CEP350: variants seen among roughly 807,000 people sequenced by gnomAD.
CEP350 encodes centrosomal protein 350, also known as centrosome-associated protein 350.
In CEP350, 126 loss-of-function variants were observed where a neutral mutation model predicts 331.8. That is an observed-to-expected ratio of 0.38 (90% CI 0.33 to 0.44). The LOEUF (loss-of-function observed/expected upper bound fraction) is 0.44. CEP350 is among the 20% of genes least tolerant of loss of function. The pLI, the probability that CEP350 is intolerant of heterozygous loss-of-function variation, is 1.00. For missense variants in CEP350, 3,406 were observed against 3,634.6 expected, an observed-to-expected ratio of 0.94 and a Z score of 1.62; for synonymous variants, 1,200 against 1,259.5, an observed-to-expected ratio of 0.95 and a Z score of 1.00.
chr1:180,106,806 ATT>A (rs61212527), intron 37 of CEP350, among the ~76,000 whole-genome samples: 17,982 of 145,774 alleles, frequency 0.12, 1,131 homozygotes, highest in South Asian at 0.17. Context: ...ACAGTTTATG[ATT>A]TTTTTTTTTT....
chr1:180,048,769 G>A (rs753616502), intron 22 of CEP350, 64 bp downstream of exon 22: 1 of 1,319,554 alleles, frequency 7.6e-7, no homozygotes, highest in Non-Finnish European at 1.1e-6. Context: ...GGTGATCCTT[G>A]TTATAAAGTG....
chr1:180,047,757 CAAAAAAAAAA>C (rs5779043), intron 21 of CEP350, among the ~76,000 whole-genome samples: 12 of 74,044 alleles, frequency 1.6e-4, no homozygotes, highest in Admixed American at 1.1e-3. Context: ...TGAAACTCCT[CAAAAAAAAAA>C]AAAAAAAAAA....
At chr1:180,043,932 A>T in intron 20 of CEP350, 119 bp from the exon 21 acceptor site, 1 of 877,986 alleles carries the variant, frequency 1.1e-6, no homozygotes, top group Non-Finnish European at 1.6e-6. Context: ...ATGTGTTGTA[A>T]GTTATTTTAT....
intron 33 of CEP350, 140 bp from the exon 34 acceptor site, chr1:180,092,474 T>C (rs1660254924): frequency 5.9e-6 from 3 of 504,608 alleles, no homozygotes; most frequent in Non-Finnish European, 6.9e-6. Context: ...GAAAAACTTA[T>C]AAAGTAGCCA....
intron 6 of CEP350, among the ~76,000 whole-genome samples, chr1:179,998,192 C>T (rs919755171): frequency 3.3e-5 from 5 of 151,576 alleles, no homozygotes; most frequent in African/African-American, 1.2e-4. Context: ...ATTTAAACTT[C>T]TGCCAGAGTA....
chr1:180,012,669 T>C (rs1036791898), intron 9 of CEP350, among the ~76,000 whole-genome samples: 7 of 152,220 alleles, frequency 4.6e-5, no homozygotes, highest in African/African-American at 1.7e-4. Context: ...TGCCAGTTTT[T>C]CTTTTCAGCA....
rs1359670876 is a variant in CEP350, at chr1:180,022,826, A to G, written c.3364A>G (p.Lys1122Glu). Residue 1122 changes from lysine (K) to glutamate (E), a missense_variant, in exon 13 of 38, where the codon AAA (lysine) becomes GAA (glutamate). Lys to Glu is a moderately conservative substitution (Grantham distance 56). Coordinates refer to ENST00000367607, the MANE Select transcript of CEP350 (RefSeq NM_014810.5). ...TCCAGGGACTGGGACTTCGACAGAA[A>G]AAAAATCAACTCTTGAACCTCAGTA... ...SSPGTGTSTE[K>E]KSTLEPHSTL... 7 of 1,589,372 alleles carry G rather than the reference A, an allele frequency of 4.4e-6. No individual in the cohort carries two copies. Among genetic ancestry groups the G allele is most frequent in the Non-Finnish European group, 6.0e-6 (7 of 1,166,440 alleles).
At chr1:180,017,406 A>G (rs913208478) in intron 11 of CEP350, among the ~76,000 whole-genome samples, 8 of 152,306 alleles carry the variant, frequency 5.3e-5, no homozygotes, top group African/African-American at 1.9e-4. Context: ...AGAGGATTGA[A>G]TGCTTTTAGA....
chr1:179,984,548 T>G (rs940910734), intron 1 of CEP350, among the ~76,000 whole-genome samples: 3 of 152,172 alleles, frequency 2.0e-5, no homozygotes, highest in African/African-American at 7.2e-5. Context: ...TGAGAATGCG[T>G]TTTATAGCCT....
At chr1:180,067,810 C>T (rs969442323) in intron 27 of CEP350, among the ~76,000 whole-genome samples, 2 of 152,182 alleles carry the variant, frequency 1.3e-5, no homozygotes, top group South Asian at 2.1e-4. Flanking sequence ...TGAAAACTAG[C>T]TTTTAAATAC....
chr1:180,111,155 T>G lies in CEP350; in HGVS notation c.9348T>G (p.Leu3116=). The part of the protein sequence containing the change: ...QISEKQGRML[L]V Reference sequence around the variant, plus strand: ...GTGAAAAGCAGGGGAGAATGCTACTTGTGTGACATCTTGCAAATAAATCGA... The same window carrying G: ...GTGAAAAGCAGGGGAGAATGCTACTGGTGTGACATCTTGCAAATAAATCGA... Residue 3116 remains leucine (L), a synonymous_variant, in exon 38 of 38, where the codon CTT becomes CTG. Transcript: ENST00000367607. 6.2e-7 allele frequency: 1 copy of G among 1,613,556 alleles called. No homozygotes were observed. Among genetic ancestry groups the G allele is most frequent in the Non-Finnish European group, 8.5e-7 (1 of 1,179,558 alleles).
At position 180,013,922 on chromosome 1, in the gene CEP350, G is replaced by A. The variant is rs1301546756; in HGVS notation, c.1469G>A (p.Arg490His). 8.7e-6 allele frequency: 14 copies of A among 1,613,672 alleles called. No homozygotes were observed. Among genetic ancestry groups the A allele is most frequent in the African/African-American group, 1.3e-5 (1 of 74,882 alleles). The change falls in exon 10 of 38, where the codon CGT becomes CAT. Residue 490 changes from arginine (R) to histidine (H), a missense_variant. This residue lies in a region of CEP350 where 1,857 missense variants were observed against 1,909.2 expected (regional missense o/e 0.97). Transcript: ENST00000367607. ...AGACATCTTCAAAGAAACTCAGAAC[G>A]TTCGAGAAGTAAATCTCGGTCTGAA... ...LHRHLQRNSE[R>H]SRSKSRSENN...
At chr1:180,090,402 C>T (rs967278431) in intron 32 of CEP350, among the ~76,000 whole-genome samples, 1 of 151,036 alleles carries the variant, frequency 6.6e-6, no homozygotes, top group Non-Finnish European at 1.5e-5. Flanking sequence ...AAAAATTAGC[C>T]GGGCGTGGTG....
At chr1:179,973,220 A>G (rs10913917) in intron 1 of CEP350, among the ~76,000 whole-genome samples, 86,537 of 152,170 alleles carry the variant, frequency 0.57, 26,431 homozygotes, top group East Asian at 0.72. Flanking sequence ...GTTGTAGCCT[A>G]ATAATCAGCA....
intron 1 of CEP350, among the ~76,000 whole-genome samples, chr1:179,983,925 G>A (rs1052764792): frequency 3.9e-5 from 6 of 152,168 alleles, no homozygotes; most frequent in African/African-American, 1.4e-4. Flanking sequence ...AATCCTGCTA[G>A]CATCTACCAA....
chr1:180,015,243 T>G (rs1323264194), intron 10 of CEP350, among the ~76,000 whole-genome samples: 1 of 150,330 alleles, frequency 6.7e-6, no homozygotes, highest in Non-Finnish European at 1.5e-5. Context: ...TATTTATTTA[T>G]TTATTTATTT....
chr1:180,013,537 TAA>T (rs530657808), intron 9 of CEP350, among the ~76,000 whole-genome samples: 1 of 152,138 alleles, frequency 6.6e-6, no homozygotes, highest in Non-Finnish European at 1.5e-5. Flanking sequence ...AATATGTATA[TAA>T]GAGAGAAATC....
chr1:180,086,082 C>T (rs1239349484), intron 31 of CEP350, among the ~76,000 whole-genome samples: 1 of 152,112 alleles, frequency 6.6e-6, no homozygotes, highest in African/African-American at 2.4e-5. Flanking sequence ...TATTGTCTTC[C>T]ACACAGAAAA....
Position 180,111,228 on chromosome 1 carries a change from C to T in CEP350, c.*67C>T, listed in dbSNP as rs1661455600. On this transcript the variant is annotated 3_prime_UTR_variant, in exon 38 of 38. Coordinates refer to ENST00000367607, the MANE Select transcript of CEP350 (RefSeq NM_014810.5). ...CTGGGCCTTTCTGCCTCCTGATGTA[C>T]ACCCATCGCCATCATAGCAAGAGTG... is the stretch of plus-strand genomic sequence containing the variant. 1.9e-6 allele frequency: 3 copies of T among 1,554,024 alleles called. No individual in the cohort carries two copies. The highest frequency in any genetic ancestry group is 1.7e-4 in the Middle Eastern group (1 of 5,858).
Sources: gnomAD v4.1 joint callset for allele counts (sites outside exome capture counted in the v4.1 genomes callset) on GRCh38, gnomAD v4.1.1 for gene constraint, gnomAD v4.1.1 regional missense constraint, MANE v1.5 for transcripts, NCBI Gene and HGNC (gene_info 2026-07-23, HGNC 2026-07-21) for gene names.